Variants in GPC6 observed in about 807,000 individuals in gnomAD.
The protein encoded by GPC6 is glypican 6.
GPC6 carries 14 observed loss-of-function variants against 55.2 expected under a neutral mutation model. The observed-to-expected ratio is 0.25, with a 90% CI of 0.17 to 0.40. The LOEUF (loss-of-function observed/expected upper bound fraction) is 0.40. Ranked by LOEUF, GPC6 falls within the 10% of genes least tolerant of loss-of-function variation. GPC6 has a pLI of 1.00. For synonymous variants in GPC6, 278 were observed against 259.6 expected (o/e 1.07, Z -0.68); for missense variants, 641 against 708.5 (o/e 0.90, Z 1.08).
intron 3 of GPC6, among the ~76,000 whole-genome samples, chr13:93,908,472 G>A (rs956809397): frequency 1.3e-5 from 2 of 152,200 alleles, no homozygotes; most frequent in African/African-American, 2.4e-5. Context: ...AAGCCAGTGC[G>A]AAATCAAGCA....
At chr13:93,690,240 C>G (rs1231094209) in intron 2 of GPC6, among the ~76,000 whole-genome samples, 1 of 151,922 alleles carries the variant, frequency 6.6e-6, no homozygotes, top group Non-Finnish European at 1.5e-5. Flanking sequence ...TATAATTGAC[C>G]TGGGTAATAC....
intron 4 of GPC6, among the ~76,000 whole-genome samples, chr13:94,266,739 G>C (rs771983375): frequency 6.6e-4 from 101 of 152,166 alleles, no homozygotes; most frequent in Non-Finnish European, 1.2e-3. Context: ...AGTGTTGCTT[G>C]TCTGTCTTTC....
At chr13:94,167,382 A>G (rs532714746) in intron 4 of GPC6, among the ~76,000 whole-genome samples, 1 of 152,322 alleles carries the variant, frequency 6.6e-6, no homozygotes, top group East Asian at 1.9e-4. Context: ...CTAAATGATT[A>G]ACTAAAGATG....
intron 5 of GPC6, 31 bp downstream of exon 5, chr13:94,286,510 C>T: frequency 1.3e-6 from 2 of 1,599,138 alleles, no homozygotes; most frequent in Non-Finnish European, 1.7e-6. Flanking sequence ...TCTGCCAATA[C>T]ATGTATGTTA....
chr13:93,427,841 G>A (rs16952683), intron 1 of GPC6, among the ~76,000 whole-genome samples: 36,705 of 152,028 alleles, frequency 0.24, 4,398 homozygotes, highest in Middle Eastern at 0.29. Flanking sequence ...TCCAGATCAT[G>A]TTTGCATTCC....
At chr13:93,631,855 G>T (rs967963278) in intron 2 of GPC6, among the ~76,000 whole-genome samples, 1 of 152,150 alleles carries the variant, frequency 6.6e-6, no homozygotes, top group African/African-American at 2.4e-5. Flanking sequence ...AAGATAGAAC[G>T]AATTTTTAGT....
At chr13:93,629,326 G>GA (rs1417403811) in intron 2 of GPC6, among the ~76,000 whole-genome samples, 1 of 151,930 alleles carries the variant, frequency 6.6e-6, no homozygotes, top group Non-Finnish European at 1.5e-5. Context: ...ATATCTAGTA[G>GA]AAAAATACAT....
At chr13:93,702,536 AG>A (rs1238533436) in intron 2 of GPC6, among the ~76,000 whole-genome samples, 1 of 151,982 alleles carries the variant, frequency 6.6e-6, no homozygotes, top group Non-Finnish European at 1.5e-5. Flanking sequence ...GAATCTTTGA[AG>A]CCAGGCATTG....
At chr13:93,933,556 T>C (rs1190756788) in intron 3 of GPC6, among the ~76,000 whole-genome samples, 1 of 152,064 alleles carries the variant, frequency 6.6e-6, no homozygotes, top group Non-Finnish European at 1.5e-5. Context: ...ATAGGAATAA[T>C]AATAGTAATT....
intron 4 of GPC6, among the ~76,000 whole-genome samples, chr13:94,085,839 A>G (rs924227199): frequency 3.9e-5 from 6 of 152,198 alleles, no homozygotes; most frequent in Admixed American, 3.9e-4. Flanking sequence ...TTAAATAATT[A>G]TATAATGGAA....
At chr13:93,620,931 AC>A (rs1878925558) in intron 2 of GPC6, among the ~76,000 whole-genome samples, 1 of 152,112 alleles carries the variant, frequency 6.6e-6, no homozygotes, top group Admixed American at 6.6e-5. Context: ...ATTGGGCTGC[AC>A]TTTTTTGTGA....
intron 1 of GPC6, among the ~76,000 whole-genome samples, chr13:93,502,289 C>T (rs1021982794): frequency 2.6e-5 from 4 of 151,244 alleles, no homozygotes; most frequent in South Asian, 4.2e-4. Flanking sequence ...AGAGTGAGAG[C>T]GAGAGAGCAA....
intron 2 of GPC6, among the ~76,000 whole-genome samples, chr13:93,669,676 A>G (rs1266225495): frequency 7.9e-5 from 12 of 152,160 alleles, no homozygotes; most frequent in Non-Finnish European, 1.8e-4. Flanking sequence ...ATGGGCAGTG[A>G]AAACAATGAA....
At chr13:93,999,160 C>T (rs971319117) in intron 3 of GPC6, among the ~76,000 whole-genome samples, 1 of 152,110 alleles carries the variant, frequency 6.6e-6, no homozygotes, top group Non-Finnish European at 1.5e-5. Flanking sequence ...AGGTATTTCT[C>T]CAAATGCTAT....
chr13:94,314,165 G>C (rs1876401808), intron 6 of GPC6, among the ~76,000 whole-genome samples: 1 of 152,154 alleles, frequency 6.6e-6, no homozygotes, highest in South Asian at 2.1e-4. Context: ...GTCTTCTCCA[G>C]AGAACAGTAC....
chr13:93,658,544 A>G (rs1001883186), intron 2 of GPC6, among the ~76,000 whole-genome samples: 1 of 151,818 alleles, frequency 6.6e-6, no homozygotes, highest in African/African-American at 2.4e-5. Context: ...CTCTTTTGTC[A>G]AATCTTGTTT....
intron 4 of GPC6, among the ~76,000 whole-genome samples, chr13:94,167,401 G>C (rs2138923676): frequency 6.6e-6 from 1 of 152,206 alleles, no homozygotes; most frequent in Middle Eastern, 3.4e-3. Context: ...TGGACGAGAA[G>C]ATTCTTCAAA....
chr13:93,423,358 G>A (rs898960403), intron 1 of GPC6, among the ~76,000 whole-genome samples: 3 of 152,116 alleles, frequency 2.0e-5, no homozygotes, highest in African/African-American at 7.2e-5. Context: ...AGGATTCCAT[G>A]TTTATAAAAG....
intron 6 of GPC6, among the ~76,000 whole-genome samples, chr13:94,344,720 G>T (rs1274651314): frequency 6.6e-6 from 1 of 152,138 alleles, no homozygotes; most frequent in African/African-American, 2.4e-5. Flanking sequence ...TTTAGTATTT[G>T]GACACTGACA....
Sources: allele counts gnomAD v4.1 joint callset (sites outside exome capture counted in the v4.1 genomes callset), GRCh38; gene constraint gnomAD v4.1.1; transcripts MANE v1.5; gene names NCBI Gene and HGNC (gene_info 2026-07-23, HGNC 2026-07-21).